Variants in PDE4D observed in about 807,000 individuals in gnomAD.
PDE4D encodes phosphodiesterase 4D, also known as 3',5'-cyclic-AMP phosphodiesterase 4D.
A neutral mutation model predicts 87.4 loss-of-function variants in PDE4D; 24 were observed. That is an observed-to-expected ratio of 0.27 (90% CI 0.20 to 0.39). The LOEUF is 0.39. PDE4D is among the 10% of genes least tolerant of loss of function. PDE4D has a pLI of 1.00. For synonymous variants in PDE4D, 384 were observed against 383.2 expected, an observed-to-expected ratio of 1.00 and a Z score of -0.02; for missense variants, 714 against 1,041.0, an observed-to-expected ratio of 0.69 and a Z score of 4.32.
In PDE4D at chr5:59,566,533, CATGTGTGTGT is replaced by C. The variant is rs1402308707; in HGVS notation, c.455+326625_455+326634del. On this transcript the variant is annotated intron_variant, in intron 1 of 14. Coordinates refer to ENST00000340635, the MANE Select transcript of PDE4D (RefSeq NM_001104631.2). ...GTAGCATCTGATCCAGTCACAGTTT[CATGTGTGTGT>C]GTGTGTGTGTGTGTGTGTGTGTGTG... 5.6e-3 allele frequency among the ~76,000 whole-genome samples: 575 copies of C among 102,732 alleles called. 9 individuals are homozygous for C. The highest frequency in any genetic ancestry group is 0.02 in the African/African-American group (556 of 27,416). 67.4% of individuals were successfully genotyped at this position (102,732 alleles called of 152,430 possible). A position where few individuals can be genotyped will look rare whatever the true frequency, so the allele number is the denominator to read the frequency against.
intron 2 of PDE4D, among the ~76,000 whole-genome samples, chr5:60,006,642 G>A (rs568266182): frequency 1.3e-5 from 2 of 152,062 alleles, no homozygotes; most frequent in South Asian, 4.1e-4. Context: ...TGATGATAAT[G>A]ATGATACAGG....
intron 1 of PDE4D, among the ~76,000 whole-genome samples, chr5:59,716,351 C>T (rs1755024719): frequency 6.6e-6 from 1 of 152,228 alleles, no homozygotes; most frequent in Non-Finnish European, 1.5e-5. Context: ...TTGAAACTGT[C>T]TACAGTTCCT....
At chr5:59,826,600 C>G (rs898092835) in intron 1 of PDE4D, among the ~76,000 whole-genome samples, 2 of 151,754 alleles carry the variant, frequency 1.3e-5, no homozygotes, top group African/African-American at 4.8e-5. Context: ...GAATAAGTAC[C>G]AAGTACCAAA....
chr5:59,496,514 A>G (rs1807227297), intron 1 of PDE4D, among the ~76,000 whole-genome samples: 1 of 152,106 alleles, frequency 6.6e-6, no homozygotes, highest in Non-Finnish European at 1.5e-5. Context: ...TGGGTTCCCC[A>G]GTCGGCTTCC....
rs373350206 is a variant in PDE4D, at chr5:60,322,737, T to C, written c.-89-137050A>G. Among the ~76,000 whole-genome samples the C allele has an allele frequency of 3.3e-5, 5 of 152,322 alleles. No individual in the cohort carries two copies. The East Asian group carries it at 7.7e-4, about 23-fold the overall frequency. Reference sequence around the variant, plus strand: ...AGTCTCTTCCATCTTATCTAGAAAGTCTTCCCCAAATCCTACATGTCCTGT... The same window carrying C: ...AGTCTCTTCCATCTTATCTAGAAAGCCTTCCCCAAATCCTACATGTCCTGT... On this transcript the variant is annotated intron_variant, in intron 1 of 16. Coordinates refer to the PDE4D transcript ENST00000502484.
upstream of PDE4D, among the ~76,000 whole-genome samples, chr5:60,489,172 T>G (rs971239351): frequency 3.9e-5 from 6 of 152,230 alleles, no homozygotes; most frequent in South Asian, 1.0e-3. Flanking sequence ...CTTAATGTAC[T>G]TAACCCAATG....
chr5:60,282,432 G>C (rs1311969787), intron 1 of PDE4D, among the ~76,000 whole-genome samples: 2 of 152,048 alleles, frequency 1.3e-5, no homozygotes, highest in Non-Finnish European at 2.9e-5. Flanking sequence ...CAGTGACAGT[G>C]AAAACATTCT....
At chr5:59,001,538 C>A (rs1391497552) in intron 6 of PDE4D, among the ~76,000 whole-genome samples, 1 of 152,288 alleles carries the variant, frequency 6.6e-6, no homozygotes, top group South Asian at 2.1e-4. Context: ...CTAAAGCTAC[C>A]CCCAGAGGAA....
At chr5:59,016,390 CTTTTTTT>C (rs35622981) in intron 6 of PDE4D, among the ~76,000 whole-genome samples, 1 of 78,598 alleles carries the variant, frequency 1.3e-5, no homozygotes, top group African/African-American at 5.0e-5. Context: ...TCAGTCTGTT[CTTTTTTT>C]TTTTTTTTTT....
At chr5:59,565,309 G>A (rs866769484) in intron 1 of PDE4D, among the ~76,000 whole-genome samples, 4 of 151,968 alleles carry the variant, frequency 2.6e-5, no homozygotes, top group Non-Finnish European at 2.9e-5. Flanking sequence ...GCTTGAGCCC[G>A]GGAGATCAAA....
intron 5 of PDE4D, among the ~76,000 whole-genome samples, chr5:59,159,001 G>C (rs1223241329): frequency 2.6e-5 from 4 of 152,200 alleles, no homozygotes; most frequent in Non-Finnish European, 4.4e-5. Flanking sequence ...TCCCAATACA[G>C]AAAGTGTGAC....
At chr5:59,292,519 C>T (rs965396814) in intron 1 of PDE4D, among the ~76,000 whole-genome samples, 2 of 152,096 alleles carry the variant, frequency 1.3e-5, no homozygotes, top group African/African-American at 2.4e-5. Flanking sequence ...TACTATTAAA[C>T]TCATTTAACC....
intron 1 of PDE4D, among the ~76,000 whole-genome samples, chr5:59,761,068 C>A (rs1198539874): frequency 1.3e-5 from 2 of 152,172 alleles, no homozygotes; most frequent in Admixed American, 1.3e-4. Flanking sequence ...GCCTATTGCT[C>A]CTAGCCTACA....
intron 1 of PDE4D, among the ~76,000 whole-genome samples, chr5:59,234,414 G>A (rs1755915022): frequency 6.6e-6 from 1 of 152,070 alleles, no homozygotes; most frequent in African/African-American, 2.4e-5. Flanking sequence ...TCTAAGTACA[G>A]TGTAAACAAG....
intron 1 of PDE4D, among the ~76,000 whole-genome samples, chr5:59,443,388 T>C (rs1405743862): frequency 1.3e-5 from 2 of 152,200 alleles, no homozygotes; most frequent in Admixed American, 6.5e-5. Context: ...TACATAATGT[T>C]ACCTTCAAAG....
At chr5:59,632,595 G>A (rs1372326971) in intron 1 of PDE4D, among the ~76,000 whole-genome samples, 2 of 152,160 alleles carry the variant, frequency 1.3e-5, no homozygotes, top group Non-Finnish European at 2.9e-5. Flanking sequence ...TGATACCCAG[G>A]CAAACAGGGT....
chr5:60,105,146 C>A (rs576271105), intron 2 of PDE4D, among the ~76,000 whole-genome samples: 3 of 152,068 alleles, frequency 2.0e-5, no homozygotes, highest in African/African-American at 7.2e-5. Flanking sequence ...GCTAGAATAA[C>A]CAATACAGAG....
chr5:59,437,065 G>C (rs1445740109), intron 1 of PDE4D, among the ~76,000 whole-genome samples: 1 of 152,114 alleles, frequency 6.6e-6, no homozygotes, highest in African/African-American at 2.4e-5. Context: ...CTTAGCTACT[G>C]GTAATCTTAT....
At chr5:59,023,613 G>A (rs752440464) in intron 6 of PDE4D, among the ~76,000 whole-genome samples, 1 of 152,186 alleles carries the variant, frequency 6.6e-6, no homozygotes, top group Non-Finnish European at 1.5e-5. Flanking sequence ...CCATGATGGC[G>A]CCACTGCACT....
Sources: gnomAD v4.1 joint callset for allele counts (sites outside exome capture counted in the v4.1 genomes callset) on GRCh38, gnomAD v4.1.1 for gene constraint, MANE v1.5 for transcripts, NCBI Gene and HGNC (gene_info 2026-07-23, HGNC 2026-07-21) for gene names.